The following ALOXE3 variants were observed in gnomAD, a reference collection of about 807,000 sequenced individuals.
The protein encoded by ALOXE3 is hydroperoxide isomerase ALOXE3.
Under a neutral mutation model 87.5 loss-of-function variants are expected in ALOXE3, and 78 were observed. That is an observed-to-expected ratio of 0.89 (90% CI 0.74 to 1.08). ALOXE3 has a LOEUF of 1.08. ALOXE3 is among the 50% of genes least tolerant of loss of function. ALOXE3 has a pLI of 0.00. For synonymous variants in ALOXE3, 363 were observed against 370.8 expected (o/e 0.98, Z 0.24); for missense variants, 946 against 912.4 (o/e 1.04, Z -0.47).
chr17:8,118,237 C>T lies in ALOXE3; in HGVS notation c.-247G>A, dbSNP rs1052642860. On this transcript the variant is annotated 5_prime_UTR_variant, in exon 2 of 16. Coordinates refer to ENST00000448843, the MANE Select transcript of ALOXE3 (RefSeq NM_021628.3). ...AGTCTTGCACTCTAATACTTGTTTG[C>T]TTGCCTCTGACACAGCCGGTCCCTC... 7.1e-6 allele frequency: 11 copies of T among 1,551,590 alleles called. No individual in the cohort carries two copies. The highest frequency in any genetic ancestry group is 1.4e-5 in the African/African-American group (1 of 73,038).
intron 5 of ALOXE3, 126 bp downstream of exon 5, chr17:8,114,812 T>C: frequency 4.6e-6 from 7 of 1,507,052 alleles, no homozygotes; most frequent in Non-Finnish European, 6.4e-6. Context: ...TCTCCCATCC[T>C]GATGCTTGAA....
At chr17:8,099,609 C>A (rs1010993535) in intron 15 of ALOXE3, among the ~76,000 whole-genome samples, 1 of 150,908 alleles carries the variant, frequency 6.6e-6, no homozygotes, top group Non-Finnish European at 1.5e-5. Context: ...TGCACTGAGC[C>A]GAGACCGCGC....
In ALOXE3 at chr17:8,114,588, G is replaced by A. The variant is rs201315572; in HGVS notation, c.576C>T (p.Pro192=). The A allele has an allele frequency of 4.7e-5, 76 of 1,613,912 alleles. No individual in the cohort carries two copies. The highest frequency in any genetic ancestry group is 1.7e-4 in the African/African-American group (13 of 74,940). Residue 192 remains proline (P), a synonymous_variant, in exon 6 of 16, where the codon CCC becomes CCT. Transcript: ENST00000448843. The part of the protein sequence containing the change: ...QGDSSGNRYL[P]GFPMKIDIPS... ...GGATGTCAATTTTCATGGGGAAGCC[G>A]GGCAGGTACCGATTCCCACTGCTGG...
chr17:8,118,253 C>A lies in ALOXE3; in HGVS notation c.-263G>T. ...ACTTGTTTGCTTGCCTCTGACACAG[C>A]CGGTCCCTCTGGCTGGCTCACCCAG... On this transcript the variant is annotated 5_prime_UTR_variant, in exon 2 of 16. Transcript: ENST00000448843. 6.4e-7 allele frequency: 1 copy of A among 1,551,734 alleles called. No homozygotes were observed. Among genetic ancestry groups the A allele is most frequent in the Non-Finnish European group, 8.7e-7 (1 of 1,147,012 alleles).
Position 8,103,495 on chromosome 17 carries a change from T to C in ALOXE3, c.1786-2A>G, listed in dbSNP as rs139375856. On this transcript the variant is annotated splice_acceptor_variant, in intron 14 of 15. Coordinates refer to ENST00000448843, the MANE Select transcript of ALOXE3 (RefSeq NM_021628.3). LOFTEE classifies it high-confidence loss of function. ...GGGCATCCAGGCCCCAAAGTCATGC[T>C]GTGGAGACCCCCATCCCAGTTGGGT... The C allele has an allele frequency of 4.3e-6, 7 of 1,613,866 alleles. No homozygotes were observed. Among genetic ancestry groups the C allele is most frequent in the Non-Finnish European group, 5.9e-6 (7 of 1,180,008 alleles).
chr17:8,099,229 C>T (rs1471490592), intron 15 of ALOXE3, among the ~76,000 whole-genome samples: 1 of 152,070 alleles, frequency 6.6e-6, no homozygotes, highest in Non-Finnish European at 1.5e-5. Flanking sequence ...CATACATCAA[C>T]TCTGAAGACA....
intron 13 of ALOXE3, among the ~76,000 whole-genome samples, chr17:8,106,209 T>C (rs1379289116): frequency 6.6e-5 from 10 of 151,698 alleles, no homozygotes; most frequent in Admixed American, 3.9e-4. Flanking sequence ...CTAACTGGAT[T>C]TAGGAAGACA....
intron 6 of ALOXE3, among the ~76,000 whole-genome samples, chr17:8,112,603 C>A (rs561164070): frequency 6.6e-6 from 1 of 152,268 alleles, no homozygotes; most frequent in South Asian, 2.1e-4. Flanking sequence ...TTCTACCAAC[C>A]TTTCCAGTAT....
intron 6 of ALOXE3, 53 bp from the exon 7 acceptor site, chr17:8,112,249 G>T: frequency 7.3e-7 from 1 of 1,377,082 alleles, no homozygotes; most frequent in Non-Finnish European, 1.0e-6. Flanking sequence ...AGTCTGCTGG[G>T]AATCACTGTG....
rs768465921 is a variant in ALOXE3, at chr17:8,110,036, C to G, written c.1306-34G>C. 3.2e-6 allele frequency: 5 copies of G among 1,572,254 alleles called. No homozygotes were observed. In the African/African-American group the frequency reaches 6.8e-5, roughly 21 times the overall value. Reference sequence around the variant, plus strand: ...GGAGCGGATCACGTGAGCTGAAGGCCGGGGACAAGGCCGCCCGGCCCCTGC... The same window carrying G: ...GGAGCGGATCACGTGAGCTGAAGGCGGGGGACAAGGCCGCCCGGCCCCTGC... On this transcript the variant is annotated intron_variant, in intron 10 of 15. Transcript: ENST00000448843.
intron 15 of ALOXE3, among the ~76,000 whole-genome samples, chr17:8,099,605 G>A (rs1462258583): frequency 6.6e-6 from 1 of 151,440 alleles, no homozygotes; most frequent in Non-Finnish European, 1.5e-5. Flanking sequence ...AGGTTGCACT[G>A]AGCCGAGACC....
chr17:8,098,675 A>G (rs1004726052), intron 15 of ALOXE3, among the ~76,000 whole-genome samples: 8 of 152,118 alleles, frequency 5.3e-5, no homozygotes, highest in Admixed American at 6.6e-5. Context: ...ATCTTTATTG[A>G]CGTAATGAAC....
chr17:8,118,322 G>C lies in ALOXE3; in HGVS notation c.-313-19C>G, dbSNP rs1980801201. 3 of 1,551,866 alleles carry C rather than the reference G, an allele frequency of 1.9e-6. No individual in the cohort carries two copies. Among genetic ancestry groups the C allele is most frequent in the Non-Finnish European group, 2.6e-6 (3 of 1,147,044 alleles). ...GGTTCCACTGCGGAGGGAGGGATCA[G>C]ATGCTGAGATGGAGAAAAGGAGGTA... On this transcript the variant is annotated intron_variant, in intron 1 of 15. Coordinates refer to ENST00000448843, the MANE Select transcript of ALOXE3 (RefSeq NM_021628.3).
At chr17:8,117,091 C>A (rs1419582268) in intron 2 of ALOXE3, 111 bp from the exon 3 acceptor site, 13 of 1,004,648 alleles carry the variant, frequency 1.3e-5, no homozygotes, top group Non-Finnish European at 1.9e-5. Context: ...CAAACCTGAG[C>A]TGCTCCCAGC....
intron 15 of ALOXE3, among the ~76,000 whole-genome samples, chr17:8,098,412 T>G (rs1369139444): frequency 6.6e-6 from 1 of 151,742 alleles, no homozygotes; most frequent in Non-Finnish European, 1.5e-5. Context: ...GCTAATTTTC[T>G]TATTTTTAGG....
chr17:8,102,687 A>G (rs1261961201), intron 15 of ALOXE3, among the ~76,000 whole-genome samples: 1 of 151,494 alleles, frequency 6.6e-6, no homozygotes, highest in Non-Finnish European at 1.5e-5. Context: ...TCTCTGTCCA[A>G]CTCCTACTTG....
At chr17:8,108,375 G>C (rs1443177619) in intron 13 of ALOXE3, 93 bp downstream of exon 13, 1 of 1,540,882 alleles carries the variant, frequency 6.5e-7, no homozygotes, top group East Asian at 2.4e-5. Context: ...CTACTTCAAA[G>C]GCTGGTCAAT....
chr17:8,101,280 G>A (rs1289344962), intron 15 of ALOXE3, among the ~76,000 whole-genome samples: 1 of 151,972 alleles, frequency 6.6e-6, no homozygotes, highest in Non-Finnish European at 1.5e-5. Flanking sequence ...CACCCACCTC[G>A]GCCTCCCAAT....
At position 8,110,466 on chromosome 17, in the gene ALOXE3, G is replaced by T. The variant is rs906417220; in HGVS notation, c.1020C>A (p.Asn340Lys). 1.2e-6 allele frequency: 2 copies of T among 1,613,646 alleles called. No individual in the cohort carries two copies. The highest frequency in any genetic ancestry group is 1.3e-5 in the African/African-American group (1 of 74,916). ...ILAEAPTHCL[N>K]GRQQYVAAPL... The stretch of plus-strand genomic sequence containing the variant: ...GGGCGGCCACGTACTGCTGGCGGCC[G>T]TTTAGGCAGTGGGTGGGGGCCTCCG... The change falls in exon 9 of 16, where the codon AAC (asparagine) becomes AAA (lysine). Residue 340 changes from asparagine (N) to lysine (K), a missense_variant. Coordinates refer to ENST00000448843, the MANE Select transcript of ALOXE3 (RefSeq NM_021628.3).
Sources: allele counts gnomAD v4.1 joint callset (sites outside exome capture counted in the v4.1 genomes callset), GRCh38; gene constraint gnomAD v4.1.1; transcripts MANE v1.5; gene names NCBI Gene and HGNC (gene_info 2026-07-23, HGNC 2026-07-21).